MYO3B: variants seen among roughly 807,000 people sequenced by gnomAD.
MYO3B encodes the protein myosin-IIIb.
A neutral mutation model predicts 174.6 loss-of-function variants in MYO3B; 156 were observed. That is an observed-to-expected ratio of 0.89 (90% confidence interval 0.78 to 1.02). The LOEUF (loss-of-function observed/expected upper bound fraction) is 1.02, where lower values mean the gene tolerates loss of function less well. MYO3B is among the 50% of genes least tolerant of loss of function. MYO3B has a pLI of 0.00. For missense variants in MYO3B, 1,632 were observed against 1,639.4 expected, an observed-to-expected ratio of 1.00 and a Z score of 0.08; for synonymous variants, 563 against 569.1, an observed-to-expected ratio of 0.99 and a Z score of 0.15.
At chr2:170,256,465 G>C (rs184298459) in intron 7 of MYO3B, among the ~76,000 whole-genome samples, 92 of 152,256 alleles carry the variant, frequency 6.0e-4, no homozygotes, top group African/African-American at 2.2e-3. Flanking sequence ...AGCCAGAAGA[G>C]AATGGGGGCA....
At chr2:170,521,542 A>AATCTCTCCT (rs1399149233) in intron 30 of MYO3B, among the ~76,000 whole-genome samples, 1 of 151,958 alleles carries the variant, frequency 6.6e-6, no homozygotes, top group Non-Finnish European at 1.5e-5. Context: ...TTCACCTTAG[A>AATCTCTCCT]ATCTCTCCTT....
intron 7 of MYO3B, among the ~76,000 whole-genome samples, chr2:170,241,912 C>T (rs574218021): frequency 6.6e-6 from 1 of 152,270 alleles, no homozygotes; most frequent in South Asian, 2.1e-4. Context: ...TCTCTGCCTG[C>T]TCCTCCGCTG....
At chr2:170,178,369 C>T in intron 1 of MYO3B, 80 bp downstream of exon 1, 1 of 1,591,324 alleles carries the variant, frequency 6.3e-7, no homozygotes, top group Non-Finnish European at 8.6e-7. Flanking sequence ...GATGCAGCTG[C>T]CCTGGCTGGT....
At chr2:170,503,040 G>C (rs1289225612) in intron 28 of MYO3B, among the ~76,000 whole-genome samples, 1 of 152,206 alleles carries the variant, frequency 6.6e-6, no homozygotes, top group East Asian at 1.9e-4. Flanking sequence ...CAGCTTAAGA[G>C]AGAACTCAAA....
intron 7 of MYO3B, among the ~76,000 whole-genome samples, chr2:170,308,528 C>T (rs114920236): frequency 7.9e-4 from 120 of 152,198 alleles, no homozygotes; most frequent in African/African-American, 2.8e-3. Context: ...ATAATTGCTG[C>T]CTCCTTTTTG....
At chr2:170,606,509 C>T (rs535701332) in intron 32 of MYO3B, among the ~76,000 whole-genome samples, 1 of 152,310 alleles carries the variant, frequency 6.6e-6, no homozygotes, top group South Asian at 2.1e-4. Flanking sequence ...ACAATCTATT[C>T]ATTTCCTAGC....
intron 6 of MYO3B, among the ~76,000 whole-genome samples, chr2:170,219,456 C>T (rs1248394109): frequency 6.6e-6 from 1 of 152,062 alleles, no homozygotes; most frequent in Non-Finnish European, 1.5e-5. Context: ...CCAGCCTGTC[C>T]AACATGGCAA....
At chr2:170,214,885 ATT>A in intron 5 of MYO3B, 57 bp downstream of exon 5, 1 of 1,286,362 alleles carries the variant, frequency 7.8e-7, no homozygotes, top group South Asian at 1.2e-5. Flanking sequence ...AAAGGGGACA[ATT>A]TATTGCAATC....
At chr2:170,214,058 C>A (rs2105365110) in intron 3 of MYO3B, among the ~76,000 whole-genome samples, 1 of 152,198 alleles carries the variant, frequency 6.6e-6, no homozygotes, top group East Asian at 1.9e-4. Context: ...TATGCTTTTT[C>A]TTTCCAAAAA....
At chr2:170,578,225 C>T (rs533059098) in intron 32 of MYO3B, among the ~76,000 whole-genome samples, 1 of 152,306 alleles carries the variant, frequency 6.6e-6, no homozygotes, top group South Asian at 2.1e-4. Context: ...CAGACAAGGT[C>T]GCAGCCTGCG....
At chr2:170,390,882 C>T (rs6723362) in intron 14 of MYO3B, among the ~76,000 whole-genome samples, 23,764 of 152,056 alleles carry the variant, frequency 0.16, 1,907 homozygotes, top group Non-Finnish European at 0.18. Context: ...TGCTATAAAA[C>T]GTCTAGGCAT....
At chr2:170,350,670 CA>C (rs1436048527) in intron 8 of MYO3B, 5 of 152,076 alleles carry the variant, frequency 3.3e-5, no homozygotes, top group Non-Finnish European at 7.3e-5. Flanking sequence ...AGGTTAAAAT[CA>C]AGGTGTTGGC....
chr2:170,582,636 C>T (rs1693226877), intron 32 of MYO3B, among the ~76,000 whole-genome samples: 2 of 152,092 alleles, frequency 1.3e-5, no homozygotes, highest in South Asian at 4.2e-4. Flanking sequence ...CCACCCTAGC[C>T]TTCCTCTACT....
intron 22 of MYO3B, among the ~76,000 whole-genome samples, chr2:170,442,210 C>T (rs1465615542): frequency 1.3e-5 from 2 of 152,134 alleles, no homozygotes; most frequent in Non-Finnish European, 2.9e-5. Flanking sequence ...CTGATTTCAA[C>T]AGTAGCTCTA....
At chr2:170,389,249 AC>A (rs2094396359) in intron 14 of MYO3B, among the ~76,000 whole-genome samples, 1 of 152,054 alleles carries the variant, frequency 6.6e-6, no homozygotes, top group Non-Finnish European at 1.5e-5. Flanking sequence ...GTTGGGATTC[AC>A]CCCCTTCTGG....
At chr2:170,601,632 T>A (rs574714509) in intron 32 of MYO3B, 14 of 1,292,672 alleles carry the variant, frequency 1.1e-5, no homozygotes, top group Middle Eastern at 2.6e-4. Flanking sequence ...ATCTTCTTCA[T>A]CTTCCTCCTC....
intron 8 of MYO3B, among the ~76,000 whole-genome samples, chr2:170,351,695 A>G (rs12616969): frequency 0.31 from 46,947 of 152,036 alleles, 8,181 homozygotes; most frequent in East Asian, 0.55. Flanking sequence ...GAGCCTGCCA[A>G]CTGAAATTTC....
chr2:170,561,516 T>A (rs1691710907), intron 32 of MYO3B, among the ~76,000 whole-genome samples: 1 of 152,170 alleles, frequency 6.6e-6, no homozygotes, highest in Non-Finnish European at 1.5e-5. Flanking sequence ...GCACCCTAAC[T>A]CTAGAAAAAT....
intron 22 of MYO3B, among the ~76,000 whole-genome samples, chr2:170,422,345 G>A (rs2094622484): frequency 6.6e-6 from 1 of 152,120 alleles, no homozygotes; most frequent in Non-Finnish European, 1.5e-5. Context: ...TGAGATCACA[G>A]GCATGAGCCA....
Sources: gnomAD v4.1 joint callset for allele counts (sites outside exome capture counted in the v4.1 genomes callset) on GRCh38, gnomAD v4.1.1 for gene constraint, MANE v1.5 for transcripts, NCBI Gene and HGNC (gene_info 2026-07-23, HGNC 2026-07-21) for gene names.